SIK3: variants seen among roughly 807,000 people sequenced by gnomAD.
SIK3 encodes serine/threonine-protein kinase SIK3.
Under a neutral mutation model 144.2 loss-of-function variants are expected in SIK3, and 28 were observed. The ratio of observed to expected loss-of-function variants is 0.19; its 90% CI spans 0.14 to 0.27. SIK3 has a LOEUF of 0.27. Ranked by LOEUF, SIK3 falls within the 10% of genes least tolerant of loss-of-function variation. SIK3 has a pLI of 1.00. For missense variants in SIK3, 1,319 were observed against 1,776.0 expected (o/e 0.74, Z 4.62); for synonymous variants, 686 against 676.3 (o/e 1.01, Z -0.22).
chr11:116,950,059 C>A, intron 3 of SIK3: 1 of 465,848 alleles, frequency 2.1e-6, no homozygotes, highest in Non-Finnish European at 4.4e-6. Context: ...CCTCTCCTAG[C>A]AGCAAAAGAC....
chr11:117,012,551 G>A (rs1951308195), intron 1 of SIK3, among the ~76,000 whole-genome samples: 2 of 152,120 alleles, frequency 1.3e-5, no homozygotes, highest in African/African-American at 4.8e-5. Context: ...AAAATGACCT[G>A]TACTTTGCTA....
intron 1 of SIK3, among the ~76,000 whole-genome samples, chr11:117,060,128 T>A (rs1438659118): frequency 6.6e-6 from 1 of 152,018 alleles, no homozygotes. Context: ...AATGGGTAAA[T>A]AAACAGTGGA....
At chr11:116,937,409 T>C (rs1947976725) in intron 3 of SIK3, among the ~76,000 whole-genome samples, 1 of 152,182 alleles carries the variant, frequency 6.6e-6, no homozygotes, top group Non-Finnish European at 1.5e-5. Context: ...CAGAATTGAA[T>C]CAAATAGAAG....
intron 1 of SIK3, among the ~76,000 whole-genome samples, chr11:117,075,881 C>CTTTTTT (rs1954504227): frequency 1.8e-5 from 1 of 57,086 alleles, no homozygotes; most frequent in African/African-American, 9.2e-5. Flanking sequence ...CAGTTTTTTG[C>CTTTTTT]TCTTGTTGCC....
At chr11:117,014,682 C>T (rs900387595) in intron 1 of SIK3, among the ~76,000 whole-genome samples, 1 of 152,160 alleles carries the variant, frequency 6.6e-6, no homozygotes, top group African/African-American at 2.4e-5. Context: ...AGGCATACAC[C>T]ATGATGTTTT....
At chr11:116,869,058 G>C (rs535979047) in intron 14 of SIK3, 1 of 152,290 alleles carries the variant, frequency 6.6e-6, no homozygotes, top group Admixed American at 6.5e-5. Context: ...ATAAAATATT[G>C]CTGTCTCTTT....
chr11:116,873,418 G>A, intron 13 of SIK3, 63 bp downstream of exon 13: 2 of 1,611,876 alleles, frequency 1.2e-6, no homozygotes, highest in Non-Finnish European at 1.7e-6. Flanking sequence ...CCCAACCCCA[G>A]GCTCACAACC....
Position 116,847,541 on chromosome 11 carries a change from G to A in SIK3, c.3887C>T (p.Ser1296Leu), listed in dbSNP as rs762285599. ...AGKALSSARM[S>L]DAVLSQSSLM... ...CGAAGACTGACTGAGAACTGCATCC[G>A]ACATCCGGGCAGAGCTAAGTGCTTT... is the stretch of plus-strand genomic sequence containing the variant. The change falls in exon 23 of 25, where the codon TCG (serine) becomes TTG (leucine). Residue 1296 changes from serine (S) to leucine (L), a missense_variant. By Grantham distance (145) the Ser-to-Leu change is moderately radical (BLOSUM62 -2). Coordinates refer to ENST00000445177, the MANE Select transcript of SIK3 (RefSeq NM_001366686.3). 15 of 1,614,074 alleles carry A rather than the reference G, an allele frequency of 9.3e-6. No individual in the cohort carries two copies. The highest frequency in any genetic ancestry group is 1.2e-5 in the Non-Finnish European group (14 of 1,180,044).
intron 6 of SIK3, among the ~76,000 whole-genome samples, chr11:116,886,778 T>C (rs1944842472): frequency 6.6e-6 from 1 of 152,162 alleles, no homozygotes; most frequent in South Asian, 2.1e-4. Flanking sequence ...ATGAATCTGG[T>C]GCTCAAAAAA....
chr11:117,078,158 A>C (rs1954632556), intron 1 of SIK3, among the ~76,000 whole-genome samples: 1 of 152,224 alleles, frequency 6.6e-6, no homozygotes, highest in African/African-American at 2.4e-5. Flanking sequence ...CAAGACCCTG[A>C]AGTTGGTTCC....
intron 6 of SIK3, among the ~76,000 whole-genome samples, chr11:116,888,711 C>T (rs1485344445): frequency 6.6e-6 from 1 of 152,188 alleles, no homozygotes; most frequent in East Asian, 1.9e-4. Flanking sequence ...ACTAATCATA[C>T]AAAAACTTGT....
chr11:116,960,202 T>G (rs1949290314), intron 1 of SIK3, among the ~76,000 whole-genome samples: 1 of 152,138 alleles, frequency 6.6e-6, no homozygotes, highest in Non-Finnish European at 1.5e-5. Context: ...TACTCTTCAG[T>G]GAGAGTTCAG....
intron 1 of SIK3, among the ~76,000 whole-genome samples, chr11:117,017,699 T>C (rs1591544428): frequency 6.6e-6 from 1 of 152,192 alleles, no homozygotes; most frequent in Middle Eastern, 3.4e-3. Flanking sequence ...CTAAAGGAGG[T>C]AGGATCTACA....
rs115968150 is a variant in SIK3 at position 116,925,997 on chromosome 11, G to A, written c.616+1222C>T. 2.2e-3 allele frequency among the ~76,000 whole-genome samples: 329 copies of A among 152,276 alleles called. 2 individuals carry two copies. Among genetic ancestry groups the A allele is most frequent in the African/African-American group, 7.7e-3 (319 of 41,556 alleles). On this transcript the variant is annotated intron_variant, in intron 4 of 24. Coordinates refer to ENST00000445177, the MANE Select transcript of SIK3 (RefSeq NM_001366686.3). ...AGGTGATGCTCCAGGATGTAAAAGT[G>A]AACAGGCTTATCTACACAAAAGCAA...
intron 4 of SIK3, among the ~76,000 whole-genome samples, chr11:116,921,487 A>G (rs1946971778): frequency 6.6e-6 from 1 of 152,162 alleles, no homozygotes; most frequent in African/African-American, 2.4e-5. Flanking sequence ...ACAAATTCTT[A>G]GTTCTAGACT....
At chr11:116,875,042 G>A (rs570587818) in intron 11 of SIK3, 116 bp downstream of exon 11, 2 of 754,998 alleles carry the variant, frequency 2.6e-6, no homozygotes, top group South Asian at 3.4e-5. Flanking sequence ...CTTGGCCACT[G>A]GATTAGATCT....
rs1366754889 is a variant in SIK3, at chr11:116,843,612, T to C, written c.*2031A>G. On this transcript the variant is annotated 3_prime_UTR_variant, in exon 25 of 25. Transcript: ENST00000445177. ...TTGCAAGATGGCACGGTTAGTAGGC[T>C]CACTGGCTTTCATCTGTTGTTGCTG... 1 of 152,284 alleles carries C rather than the reference T, an allele frequency of 6.6e-6. No individual in the cohort carries two copies. Among genetic ancestry groups the C allele is most frequent in the African/African-American group, 2.4e-5 (1 of 41,464 alleles). 9.4% of individuals were successfully genotyped at this position (152,284 alleles called of 1,614,324 possible).
Position 116,897,384 on chromosome 11 carries a change from C to G in SIK3, c.617-67G>C. On this transcript the variant is annotated intron_variant, in intron 4 of 24. Transcript: ENST00000445177. ...TTATTATAACTGAGCAAACACTAGT[C>G]TCTAGTCACTAAAGATTCCAAATCA... is the stretch of plus-strand genomic sequence containing the variant. 2.2e-6 allele frequency: 3 copies of G among 1,371,910 alleles called. No homozygotes were observed. The Admixed American group carries it at 6.2e-5, about 28-fold the overall frequency. 85.0% of individuals were successfully genotyped at this position (1,371,910 alleles called of 1,614,324 possible). A position where few individuals can be genotyped will look rare whatever the true frequency, so the allele number is the denominator to read the frequency against.
At chr11:117,007,238 C>T (rs529046198) in intron 1 of SIK3, among the ~76,000 whole-genome samples, 53 of 152,226 alleles carry the variant, frequency 3.5e-4, no homozygotes, top group South Asian at 2.1e-3. Context: ...ATTATCCGGG[C>T]TGGGTGGTGA....
Sources: gnomAD v4.1 joint callset for allele counts (sites outside exome capture counted in the v4.1 genomes callset) on GRCh38, gnomAD v4.1.1 for gene constraint, MANE v1.5 for transcripts, NCBI Gene and HGNC (gene_info 2026-07-23, HGNC 2026-07-21) for gene names.